Variants in NDST4 observed in about 807,000 individuals in gnomAD.
The protein encoded by NDST4 is N-deacetylase and N-sulfotransferase 4, also known as N-heparan sulfate sulfotransferase 4.
Under a neutral mutation model 100.8 loss-of-function variants are expected in NDST4, and 63 were observed. That is an observed-to-expected ratio of 0.62 (90% CI 0.51 to 0.77). The LOEUF (loss-of-function observed/expected upper bound fraction) is 0.77, where lower values mean the gene tolerates loss of function less well. Among genes scored for constraint, NDST4 ranks in the 30% least tolerant of loss-of-function variants. The probability of loss-of-function intolerance (pLI) is 0.00; values close to 1 mark genes in which losing one functional copy is unlikely to be tolerated. For missense variants in NDST4, 943 were observed against 1,018.4 expected, an observed-to-expected ratio of 0.93 and a Z score of 1.01; for synonymous variants, 377 against 361.8, an observed-to-expected ratio of 1.04 and a Z score of -0.48.
chr4:114,858,987 A>G (rs891223189), intron 7 of NDST4, among the ~76,000 whole-genome samples: 4 of 152,214 alleles, frequency 2.6e-5, no homozygotes, highest in East Asian at 3.9e-4. Flanking sequence ...TATAGTGAGA[A>G]CAGGGAGAAG....
rs115456978 is a variant in NDST4 at position 115,102,923 on chromosome 4, G to A, written c.-247+10521C>T. ...GGGATTTCACCATGTTGGCAGGCTGGTCTGGAACTCTTGATCTCAGGTGAT... is the reference window on the plus strand; with the variant it reads ...GGGATTTCACCATGTTGGCAGGCTGATCTGGAACTCTTGATCTCAGGTGAT... On this transcript the variant is annotated intron_variant, in intron 1 of 13. Transcript: ENST00000264363. 5.6e-3 allele frequency among the ~76,000 whole-genome samples: 855 copies of A among 151,980 alleles called. 13 individuals carry two copies. The highest frequency in any genetic ancestry group is 0.02 in the African/African-American group (814 of 41,462).
At chr4:114,882,919 C>T (rs890566539) in intron 6 of NDST4, among the ~76,000 whole-genome samples, 3 of 151,732 alleles carry the variant, frequency 2.0e-5, no homozygotes, top group African/African-American at 7.3e-5. Flanking sequence ...TGAAACCATG[C>T]AAGCAAGAAG....
intron 2 of NDST4, among the ~76,000 whole-genome samples, chr4:114,981,226 G>T (rs200019169): frequency 2.9e-5 from 2 of 67,832 alleles, no homozygotes; most frequent in Non-Finnish European, 6.0e-5. Context: ...TGGAAGGAAG[G>T]AAGGAAGGAA....
At chr4:114,866,702 G>T (rs939361571) in intron 7 of NDST4, among the ~76,000 whole-genome samples, 8 of 152,094 alleles carry the variant, frequency 5.3e-5, no homozygotes, top group African/African-American at 1.7e-4. Context: ...ATTCTGTGTG[G>T]TAAGTGCAGT....
At chr4:114,895,501 C>T (rs1724694688) in intron 6 of NDST4, among the ~76,000 whole-genome samples, 2 of 152,078 alleles carry the variant, frequency 1.3e-5, no homozygotes, top group South Asian at 4.1e-4. Flanking sequence ...TAATAGCCTA[C>T]CAACCAAATG....
At chr4:114,871,328 G>T (rs1724144337) in intron 6 of NDST4, among the ~76,000 whole-genome samples, 1 of 152,090 alleles carries the variant, frequency 6.6e-6, no homozygotes, top group African/African-American at 2.4e-5. Context: ...GTAGATATGT[G>T]TACAGGTTGA....
In NDST4 at chr4:115,027,247, C is replaced by T. The variant is rs186815234; in HGVS notation, c.978+48812G>A. ...CATATGTTGGAGTCTTTACATGCTC[C>T]CACACATTCCCCTTGAACAGGACTT... On this transcript the variant is annotated intron_variant, in intron 2 of 13. Coordinates refer to ENST00000264363, the MANE Select transcript of NDST4 (RefSeq NM_022569.3). Among the ~76,000 whole-genome samples the T allele has an allele frequency of 3.9e-5, 6 of 152,214 alleles. No individual in the cohort carries two copies. In the East Asian group the frequency reaches 1.2e-3, roughly 29 times the overall value.
chr4:115,099,229 A>C (rs1269831543), intron 1 of NDST4, among the ~76,000 whole-genome samples: 1 of 152,208 alleles, frequency 6.6e-6, no homozygotes, highest in Non-Finnish European at 1.5e-5. Context: ...GACTCTTAGA[A>C]GATCATATAG....
At chr4:114,959,510 G>A (rs1156805894) in intron 4 of NDST4, among the ~76,000 whole-genome samples, 1 of 152,166 alleles carries the variant, frequency 6.6e-6, no homozygotes, top group East Asian at 1.9e-4. Context: ...TAGGGCATAT[G>A]AGACTTATTC....
chr4:115,049,416 T>C (rs1242028692), intron 2 of NDST4, among the ~76,000 whole-genome samples: 2 of 152,096 alleles, frequency 1.3e-5, no homozygotes, highest in Non-Finnish European at 2.9e-5. Flanking sequence ...TTGCTAGAAA[T>C]GTCTTTGTGT....
intron 2 of NDST4, among the ~76,000 whole-genome samples, chr4:115,030,503 T>G (rs1177359268): frequency 6.6e-6 from 1 of 152,110 alleles, no homozygotes. Context: ...TCACAGCAAC[T>G]GGGTCATCCT....
chr4:115,048,309 A>G (rs1364385430), intron 2 of NDST4, among the ~76,000 whole-genome samples: 1 of 152,200 alleles, frequency 6.6e-6, no homozygotes, highest in Non-Finnish European at 1.5e-5. Flanking sequence ...GGTTTTTAGC[A>G]TTTACATTTA....
intron 1 of NDST4, among the ~76,000 whole-genome samples, chr4:115,099,034 A>T (rs1729676931): frequency 1.3e-5 from 2 of 152,204 alleles, no homozygotes; most frequent in Admixed American, 1.3e-4. Flanking sequence ...AAAAGAACAA[A>T]GGTAATGCAA....
intron 2 of NDST4, among the ~76,000 whole-genome samples, chr4:114,981,363 A>AT (rs1726768844): frequency 6.6e-6 from 1 of 152,150 alleles, no homozygotes; most frequent in Admixed American, 6.5e-5. Context: ...TATTATGTGT[A>AT]CAATTTTCTA....
At chr4:115,016,989 GTGTGTA>G (rs1727692757) in intron 2 of NDST4, among the ~76,000 whole-genome samples, 1 of 147,336 alleles carries the variant, frequency 6.8e-6, no homozygotes, top group African/African-American at 2.7e-5. Flanking sequence ...GAGTGTTCAT[GTGTGTA>G]TGTGTGTGTG....
chr4:115,101,358 A>G (rs1729724683), intron 1 of NDST4, among the ~76,000 whole-genome samples: 1 of 152,084 alleles, frequency 6.6e-6, no homozygotes, highest in African/African-American at 2.4e-5. Flanking sequence ...TTTGCTGACT[A>G]ATAGAAATGG....
intron 2 of NDST4, among the ~76,000 whole-genome samples, chr4:115,041,523 C>T (rs1311054740): frequency 6.6e-6 from 1 of 151,986 alleles, no homozygotes; most frequent in African/African-American, 2.4e-5. Context: ...TTCTGGTTAG[C>T]TGTGTGCTGA....
chr4:115,017,916 C>A (rs1727721970), intron 2 of NDST4, among the ~76,000 whole-genome samples: 2 of 151,434 alleles, frequency 1.3e-5, no homozygotes, highest in Non-Finnish European at 2.9e-5. Flanking sequence ...ATTAGATATT[C>A]TTTTGTAAAA....
At chr4:114,976,596 A>C (rs1726638432) in intron 3 of NDST4, among the ~76,000 whole-genome samples, 1 of 151,956 alleles carries the variant, frequency 6.6e-6, no homozygotes, top group Admixed American at 6.6e-5. Flanking sequence ...CATAAGTACA[A>C]TTGTGGCTGG....
Sources: allele counts gnomAD v4.1 joint callset (sites outside exome capture counted in the v4.1 genomes callset), GRCh38; gene constraint gnomAD v4.1.1; transcripts MANE v1.5; gene names NCBI Gene and HGNC (gene_info 2026-07-23, HGNC 2026-07-21).